Variants in ANXA4 observed in about 807,000 individuals in gnomAD.
The protein encoded by ANXA4 is annexin A4.
A neutral mutation model predicts 49.8 loss-of-function variants in ANXA4; 39 were observed. The ratio of observed to expected loss-of-function variants is 0.78; its 90% CI spans 0.61 to 1.02. The LOEUF (loss-of-function observed/expected upper bound fraction) is 1.02, where lower values mean the gene tolerates loss of function less well. Ranked by LOEUF, ANXA4 falls within the 50% of genes least tolerant of loss-of-function variation. The pLI, the probability that ANXA4 is intolerant of heterozygous loss-of-function variation, is 0.00. For missense variants in ANXA4, 360 were observed against 410.1 expected (o/e 0.88, Z 1.05); for synonymous variants, 134 against 152.5 (o/e 0.88, Z 0.89).
chr2:69,675,351 T>C (rs1369847346), intron 2 of ANXA4, among the ~76,000 whole-genome samples: 4 of 152,230 alleles, frequency 2.6e-5, no homozygotes, highest in African/African-American at 9.6e-5. Flanking sequence ...CAAAATAAAA[T>C]GGCATGTGAG....
At chr2:69,776,436 C>T (rs999044352) in intron 1 of ANXA4, among the ~76,000 whole-genome samples, 5 of 152,200 alleles carry the variant, frequency 3.3e-5, no homozygotes, top group African/African-American at 1.2e-4. Context: ...ACTTCTGACA[C>T]CAATTGTATA....
At chr2:69,715,221 A>AT (rs1193198370) in intron 2 of ANXA4, among the ~76,000 whole-genome samples, 1 of 152,004 alleles carries the variant, frequency 6.6e-6, no homozygotes, top group Non-Finnish European at 1.5e-5. Context: ...TTATTTATTT[A>AT]TTTTTTGAAA....
At chr2:69,739,830 C>G (rs1670339447), upstream of ANXA4, among the ~76,000 whole-genome samples, 1 of 152,064 alleles carries the variant, frequency 6.6e-6, no homozygotes, top group East Asian at 1.9e-4. Flanking sequence ...CCCTAGGATT[C>G]TTGTGCAAGT....
chr2:69,682,793 G>T (rs78395586), intron 2 of ANXA4, among the ~76,000 whole-genome samples: 20,701 of 152,158 alleles, frequency 0.14, 2,044 homozygotes, highest in East Asian at 0.37. Context: ...TCAAGAACAT[G>T]CCACTCATGT....
Position 69,789,408 on chromosome 2 carries a change from C to T in ANXA4, c.97+1267C>T, listed in dbSNP as rs534268288. ...CTTGTTGCTGTGGTGATAGACACAG[C>T]TGTGACAGCACCGACATGCAATGTG... On this transcript the variant is annotated intron_variant, in intron 3 of 12. Transcript: ENST00000394295. Among the ~76,000 whole-genome samples the T allele has an allele frequency of 2.0e-5, 3 of 152,218 alleles. No homozygotes were observed. The South Asian group carries it at 6.2e-4, about 32-fold the overall frequency.
rs1227101742 is a variant in ANXA4 at position 69,804,633 on chromosome 2, CCA to C, written c.192+9_192+10del. 1 of 1,609,046 alleles carries C rather than the reference CCA, an allele frequency of 6.2e-7. No homozygotes were observed. Among genetic ancestry groups the C allele is most frequent in the South Asian group, 1.1e-5 (1 of 90,338 alleles). ...ACAAGAGCACCATCGGCAGGGTAGGCCACAGTCTTTCCTGCTCTGTCTGGCTG... is the reference window on the plus strand; with the variant it reads ...ACAAGAGCACCATCGGCAGGGTAGGCCAGTCTTTCCTGCTCTGTCTGGCTG... On this transcript the variant is annotated splice_region_variant and intron_variant, in intron 4 of 12. Transcript: ENST00000394295.
At chr2:69,649,775 C>CTTTTTATT (rs934145482) in intron 1 of ANXA4, among the ~76,000 whole-genome samples, 1 of 150,980 alleles carries the variant, frequency 6.6e-6, no homozygotes, top group Non-Finnish European at 1.5e-5. Flanking sequence ...CCACGTCTGG[C>CTTTTTATT]TTTTTATTTT....
chr2:69,749,544 A>G (rs1670753042), intron 1 of ANXA4, among the ~76,000 whole-genome samples: 1 of 152,180 alleles, frequency 6.6e-6, no homozygotes, highest in Non-Finnish European at 1.5e-5. Context: ...CTATTAAAAA[A>G]TGGTGCAGGT....
At chr2:69,655,343 C>G (rs1174825850) in intron 2 of ANXA4, among the ~76,000 whole-genome samples, 1 of 152,082 alleles carries the variant, frequency 6.6e-6, no homozygotes, top group Non-Finnish European at 1.5e-5. Context: ...AAAAAACAGA[C>G]AACCCAATCA....
At chr2:69,801,340 G>C (rs1182412312) in intron 3 of ANXA4, among the ~76,000 whole-genome samples, 1 of 151,932 alleles carries the variant, frequency 6.6e-6, no homozygotes, top group Non-Finnish European at 1.5e-5. Flanking sequence ...TGATTTTGGG[G>C]GCTGCTTTTT....
chr2:69,800,876 T>G (rs1328417573), intron 3 of ANXA4, among the ~76,000 whole-genome samples: 1 of 152,018 alleles, frequency 6.6e-6, no homozygotes, highest in Non-Finnish European at 1.5e-5. Flanking sequence ...AGTGGAAGTT[T>G]AATAGGGAAA....
At chr2:69,754,163 G>A (rs7567400) in intron 1 of ANXA4, among the ~76,000 whole-genome samples, 76,644 of 152,098 alleles carry the variant, frequency 0.5, 19,703 homozygotes, top group East Asian at 0.71. Flanking sequence ...GGCAAACACA[G>A]TATTTCCTAA....
intron 3 of ANXA4, among the ~76,000 whole-genome samples, chr2:69,801,455 C>T (rs1314563795): frequency 6.6e-6 from 1 of 151,262 alleles, no homozygotes; most frequent in African/African-American, 2.4e-5. Flanking sequence ...CAGGCTGTGG[C>T]ATGCACTGGC....
At chr2:69,771,094 CAA>C (rs1169928879) in intron 1 of ANXA4, among the ~76,000 whole-genome samples, 5 of 42,386 alleles carry the variant, frequency 1.2e-4, no homozygotes, top group Admixed American at 2.1e-4. Flanking sequence ...ACCCTGTCTC[CAA>C]AAAAAAAAAA....
At chr2:69,722,642 A>C (rs552935219) in intron 3 of ANXA4, among the ~76,000 whole-genome samples, 18 of 152,174 alleles carry the variant, frequency 1.2e-4, no homozygotes, top group Non-Finnish European at 2.2e-4. Flanking sequence ...TTTACTGCTT[A>C]ATGGATACAG....
rs189570901 is a variant in ANXA4, at chr2:69,676,017, A to T, written n.766+22735A>T. Among the ~76,000 whole-genome samples the T allele has an allele frequency of 6.5e-3, 983 of 151,044 alleles. 12 individuals carry two copies. Among genetic ancestry groups the T allele is most frequent in the African/African-American group, 0.021 (855 of 41,300 alleles). On this transcript the variant is annotated intron_variant and non_coding_transcript_variant, in intron 2 of 3. Coordinates refer to the ANXA4 transcript ENST00000418066. Reference sequence around the variant, plus strand: ...GCAAGACTCTGTCTCAAAAAAAAAAAAATAATAATGATAATAATAATAATA... The same window carrying T: ...GCAAGACTCTGTCTCAAAAAAAAAATAATAATAATGATAATAATAATAATA...
chr2:69,672,885 T>G (rs1695073744), intron 2 of ANXA4, among the ~76,000 whole-genome samples: 1 of 151,768 alleles, frequency 6.6e-6, no homozygotes, highest in African/African-American at 2.4e-5. Flanking sequence ...CTCTATATAG[T>G]CAATTAGTAT....
chr2:69,722,894 C>T (rs1004891414), intron 3 of ANXA4, among the ~76,000 whole-genome samples: 33 of 151,418 alleles, frequency 2.2e-4, no homozygotes, highest in African/African-American at 6.8e-4. Flanking sequence ...GGAAATAGGC[C>T]GGGCATGGTG....
At chr2:69,648,717 A>G (rs1676101329) in intron 1 of ANXA4, among the ~76,000 whole-genome samples, 1 of 147,108 alleles carries the variant, frequency 6.8e-6, no homozygotes, top group Non-Finnish European at 1.5e-5. Context: ...CCAGCTCGGG[A>G]GGCTGAGGCA....
Sources: allele counts gnomAD v4.1 joint callset (sites outside exome capture counted in the v4.1 genomes callset), GRCh38; gene constraint gnomAD v4.1.1; transcripts MANE v1.5; gene names NCBI Gene and HGNC (gene_info 2026-07-23, HGNC 2026-07-21).